DPP10: variants seen among roughly 807,000 people sequenced by gnomAD.
The protein encoded by DPP10 is dipeptidyl peptidase like 10, also known as inactive dipeptidyl peptidase 10.
In DPP10, 33 loss-of-function variants were observed where a neutral mutation model predicts 120.9. That is an observed-to-expected ratio of 0.27 (90% CI 0.21 to 0.37). The LOEUF is 0.37. DPP10 is among the 10% of genes least tolerant of loss of function. DPP10 has a pLI of 1.00. For missense variants in DPP10, 816 were observed against 942.8 expected (o/e 0.87, Z 1.76); for synonymous variants, 337 against 326.1 (o/e 1.03, Z -0.36).
At chr2:115,175,761 C>G (rs1173603039) in intron 1 of DPP10, among the ~76,000 whole-genome samples, 1 of 151,982 alleles carries the variant, frequency 6.6e-6, no homozygotes, top group Non-Finnish European at 1.5e-5. Flanking sequence ...TGTTTAAACA[C>G]TTGAATTGTG....
intron 1 of DPP10, among the ~76,000 whole-genome samples, chr2:115,031,562 A>G (rs534639262): frequency 6.6e-6 from 1 of 152,334 alleles, no homozygotes; most frequent in East Asian, 1.9e-4. Flanking sequence ...ATATTAAAAA[A>G]TAAACAGCTT....
intron 7 of DPP10, among the ~76,000 whole-genome samples, chr2:115,722,653 C>T (rs1004505213): frequency 4.6e-5 from 7 of 151,912 alleles, no homozygotes; most frequent in African/African-American, 1.7e-4. Context: ...CATATAGACA[C>T]GTAGAAAAGA....
At chr2:114,942,362 C>CGTATATATACAT (rs1697011996) in intron 1 of DPP10, among the ~76,000 whole-genome samples, 1 of 91,226 alleles carries the variant, frequency 1.1e-5, no homozygotes, top group Non-Finnish European at 2.0e-5. Flanking sequence ...TATATATATA[C>CGTATATATACAT]ATATATATAC....
intron 21 of DPP10, among the ~76,000 whole-genome samples, chr2:115,817,391 A>T (rs1687362635): frequency 6.6e-6 from 1 of 152,216 alleles, no homozygotes. Context: ...CCATGACATA[A>T]AATAACTGGT....
chr2:115,121,119 CT>C (rs1553492959), intron 1 of DPP10, among the ~76,000 whole-genome samples: 1 of 152,174 alleles, frequency 6.6e-6, no homozygotes, highest in Non-Finnish European at 1.5e-5. Flanking sequence ...ATTTAGGTAA[CT>C]TTCCCAGGAG....
chr2:114,995,700 A>G (rs1381951082), intron 1 of DPP10, among the ~76,000 whole-genome samples: 1 of 152,132 alleles, frequency 6.6e-6, no homozygotes, highest in Non-Finnish European at 1.5e-5. Flanking sequence ...AGTGGGGGGA[A>G]CCAGCAAGTT....
At chr2:115,672,319 T>C (rs1232282400) in intron 5 of DPP10, among the ~76,000 whole-genome samples, 3 of 151,960 alleles carry the variant, frequency 2.0e-5, no homozygotes, top group Non-Finnish European at 4.4e-5. Flanking sequence ...TTGTACAAAA[T>C]ACTCTATTTT....
chr2:115,578,714 G>A (rs2081836788), intron 5 of DPP10, among the ~76,000 whole-genome samples: 1 of 152,152 alleles, frequency 6.6e-6, no homozygotes. Flanking sequence ...AATTTGATTT[G>A]GAGAGAAATC....
At chr2:115,307,432 T>C (rs368275466) in intron 1 of DPP10, among the ~76,000 whole-genome samples, 1 of 152,164 alleles carries the variant, frequency 6.6e-6, no homozygotes, top group South Asian at 2.1e-4. Flanking sequence ...GCTACATTTC[T>C]ATTCTTTTTC....
Position 115,067,861 on chromosome 2 carries a change from CAAAAAAAAA to C in DPP10, c.61-241367_61-241359del, listed in dbSNP as rs201964006. 1.7e-3 allele frequency among the ~76,000 whole-genome samples: 149 copies of C among 86,848 alleles called. 2 individuals carry two copies. Among genetic ancestry groups the C allele is most frequent in the African/African-American group, 5.7e-3 (141 of 24,778 alleles). The allele number at this position is 86,848 out of a possible 152,430, so 57.0% of individuals were successfully genotyped here. A position where few individuals can be genotyped will look rare whatever the true frequency, so the allele number is the denominator to read the frequency against. On this transcript the variant is annotated intron_variant, in intron 1 of 25. Transcript: ENST00000410059. ...TGGGCGACACAGCAAGACTCTGTCT[CAAAAAAAAA>C]AAAAAAAAAAGAAAAAAAAGAAAAA... is the stretch of plus-strand genomic sequence containing the variant.
chr2:114,488,702 A>G (rs1282201068), intron 1 of DPP10, among the ~76,000 whole-genome samples: 1 of 152,234 alleles, frequency 6.6e-6, no homozygotes, highest in Non-Finnish European at 1.5e-5. Flanking sequence ...ACTGCTGTGC[A>G]GAAGACATTT....
intron 1 of DPP10, among the ~76,000 whole-genome samples, chr2:115,010,986 T>C (rs1702222986): frequency 6.6e-6 from 1 of 152,218 alleles, no homozygotes; most frequent in Non-Finnish European, 1.5e-5. Context: ...CAAATTTGTC[T>C]TTTCAATCAG....
intron 5 of DPP10, among the ~76,000 whole-genome samples, chr2:115,559,885 G>A (rs1034691622): frequency 6.6e-6 from 1 of 152,040 alleles, no homozygotes; most frequent in East Asian, 1.9e-4. Flanking sequence ...TCTAATGTAA[G>A]CTTATGTTAG....
chr2:115,191,316 G>T (rs1314951506), intron 1 of DPP10, among the ~76,000 whole-genome samples: 1 of 152,208 alleles, frequency 6.6e-6, no homozygotes, highest in Non-Finnish European at 1.5e-5. Context: ...AAGATTTCCA[G>T]TTTACACTGG....
chr2:114,868,003 T>C (rs527824124), intron 1 of DPP10, among the ~76,000 whole-genome samples: 1 of 152,350 alleles, frequency 6.6e-6, no homozygotes, highest in East Asian at 1.9e-4. Flanking sequence ...GAAATTAATT[T>C]GCAATGAGGT....
At chr2:114,735,811 C>A (rs1354980349) in intron 1 of DPP10, among the ~76,000 whole-genome samples, 1 of 151,892 alleles carries the variant, frequency 6.6e-6, no homozygotes, top group Non-Finnish European at 1.5e-5. Context: ...GAAAAAATAT[C>A]ATTGACCAGA....
At chr2:114,495,373 A>C (rs1224950643) in intron 1 of DPP10, among the ~76,000 whole-genome samples, 1 of 152,182 alleles carries the variant, frequency 6.6e-6, no homozygotes, top group Non-Finnish European at 1.5e-5. Flanking sequence ...AGTTGACTAA[A>C]GTTTTTTATA....
At chr2:114,907,646 T>C (rs943422344) in intron 1 of DPP10, among the ~76,000 whole-genome samples, 3 of 152,108 alleles carry the variant, frequency 2.0e-5, no homozygotes, top group Admixed American at 6.6e-5. Context: ...AGTTTTATTA[T>C]GGCTGGAAAA....
rs183501952 is a variant in DPP10, at chr2:115,633,720, T to A, written c.442-55967T>A. Among the ~76,000 whole-genome samples the A allele has an allele frequency of 3.1e-3, 479 of 152,294 alleles. 1 individual carries two copies. The highest frequency in any genetic ancestry group is 5.2e-3 in the Non-Finnish European group (352 of 68,012). On this transcript the variant is annotated intron_variant, in intron 5 of 25. Transcript: ENST00000410059. The stretch of plus-strand genomic sequence containing the variant: ...TTCTCTGGCTGCCTTTAACATTTTT[T>A]CCTTCATTTCAACCTTGGAGAATCT...
Sources: gnomAD v4.1 joint callset for allele counts (sites outside exome capture counted in the v4.1 genomes callset) on GRCh38, gnomAD v4.1.1 for gene constraint, MANE v1.5 for transcripts, NCBI Gene and HGNC (gene_info 2026-07-23, HGNC 2026-07-21) for gene names.